CNTLN: variants seen among roughly 807,000 people sequenced by gnomAD.
The protein encoded by CNTLN is centlein, also known as centlein, centrosomal protein.
CNTLN carries 212 observed loss-of-function variants against 180.0 expected under a neutral mutation model. The observed-to-expected ratio is 1.18, with a 90% CI of 1.05 to 1.32. CNTLN has a LOEUF of 1.32. CNTLN is among the 40% of genes most tolerant of loss of function. CNTLN has a pLI of 0.00. For synonymous variants in CNTLN, 722 were observed against 563.1 expected, an observed-to-expected ratio of 1.28 and a Z score of -3.99; for missense variants, 2,095 against 1,610.9, an observed-to-expected ratio of 1.30 and a Z score of -5.14.
intron 8 of CNTLN, among the ~76,000 whole-genome samples, chr9:17,319,998 AGCGATTGTTTATCTTTTTCAT>A (rs1273834515): frequency 2.6e-5 from 4 of 152,170 alleles, no homozygotes; most frequent in African/African-American, 9.7e-5. Context: ...CTTATCTCAA[AGCGATTGTTTATCTTTTTCAT>A]GCAGAAATAA....
chr9:17,294,737 C>T (rs1339370170), intron 6 of CNTLN, among the ~76,000 whole-genome samples: 4 of 127,162 alleles, frequency 3.1e-5, no homozygotes, highest in East Asian at 2.5e-4. Context: ...CAGAGCTCGT[C>T]GGGGAGGCTG....
intron 7 of CNTLN, chr9:17,300,697 C>T (rs1021292997): frequency 2.0e-5 from 3 of 151,964 alleles, no homozygotes; most frequent in African/African-American, 4.9e-5. Context: ...GTTTCCCAGA[C>T]CATTAAAAAT....
chr9:17,331,247 G>C lies in CNTLN; in HGVS notation c.1518+439G>C, dbSNP rs12340256. Reference sequence around the variant, plus strand: ...TACTGTCTGTGTGGAAAATAAAATAGTAAATGAATTTTAACACTAACTTCT... The same window carrying C: ...TACTGTCTGTGTGGAAAATAAAATACTAAATGAATTTTAACACTAACTTCT... On this transcript the variant is annotated intron_variant, in intron 9 of 25. Coordinates refer to ENST00000380647, the MANE Select transcript of CNTLN (RefSeq NM_017738.4). Among the ~76,000 whole-genome samples, 1,260 of 151,710 alleles carry C rather than the reference G, an allele frequency of 8.3e-3. 13 individuals carry two copies. The highest frequency in any genetic ancestry group is 0.028 in the African/African-American group (1,153 of 41,472).
intron 24 of CNTLN, among the ~76,000 whole-genome samples, chr9:17,485,673 C>G (rs1417870812): frequency 1.3e-5 from 2 of 152,006 alleles, no homozygotes; most frequent in Non-Finnish European, 2.9e-5. Flanking sequence ...TTAAAACACA[C>G]AGATTTAGCA....
intron 25 of CNTLN, among the ~76,000 whole-genome samples, chr9:17,490,534 A>T (rs1030159482): frequency 6.6e-6 from 1 of 152,050 alleles, no homozygotes; most frequent in Admixed American, 6.6e-5. Context: ...AAAATATAAA[A>T]ATAGGCAAAT....
chr9:17,318,903 G>A (rs1819719041), intron 8 of CNTLN, among the ~76,000 whole-genome samples: 1 of 151,914 alleles, frequency 6.6e-6, no homozygotes, highest in Non-Finnish European at 1.5e-5. Flanking sequence ...ATTCAGTTAT[G>A]TAGGCAATAT....
intron 6 of CNTLN, among the ~76,000 whole-genome samples, chr9:17,285,473 A>C (rs1828928185): frequency 6.9e-6 from 1 of 145,394 alleles, no homozygotes; most frequent in South Asian, 2.3e-4. Flanking sequence ...ATACGTGTGC[A>C]TGTGTCTTTA....
At chr9:17,227,613 G>A (rs1824552779) in intron 3 of CNTLN, among the ~76,000 whole-genome samples, 1 of 151,904 alleles carries the variant, frequency 6.6e-6, no homozygotes, top group Admixed American at 6.6e-5. Context: ...AGGTTCATGA[G>A]AACTTTGATC....
At chr9:17,383,812 G>T (rs1044497169) in intron 13 of CNTLN, among the ~76,000 whole-genome samples, 6 of 151,744 alleles carry the variant, frequency 4.0e-5, no homozygotes, top group African/African-American at 1.2e-4. Context: ...TAATTTTTTT[G>T]TATTTTTAGT....
chr9:17,150,003 T>C (rs888936584), intron 2 of CNTLN, among the ~76,000 whole-genome samples: 2 of 152,246 alleles, frequency 1.3e-5, no homozygotes, highest in Non-Finnish European at 2.9e-5. Flanking sequence ...ATGGAACTTT[T>C]TTTTTCTGGT....
At chr9:17,521,062 A>G in the CNTLN span, among the ~76,000 whole-genome samples, 6 of 152,316 alleles carry the variant, frequency 3.9e-5, no homozygotes, top group African/African-American at 1.2e-4. Context: ...GAGCATTTAA[A>G]CTGTTTATCT....
chr9:17,209,272 A>T (rs1008846246), intron 2 of CNTLN, among the ~76,000 whole-genome samples: 4 of 152,196 alleles, frequency 2.6e-5, no homozygotes, highest in Admixed American at 2.6e-4. Context: ...CATTGTAGTC[A>T]GAGAAGATAC....
chr9:17,280,999 T>G (rs1283590618), intron 6 of CNTLN, among the ~76,000 whole-genome samples: 3 of 152,182 alleles, frequency 2.0e-5, no homozygotes, highest in Non-Finnish European at 4.4e-5. Context: ...GACACATATT[T>G]AATAAGAGAC....
At chr9:17,461,426 C>T (rs188672403) in intron 19 of CNTLN, among the ~76,000 whole-genome samples, 1 of 151,788 alleles carries the variant, frequency 6.6e-6, no homozygotes, top group Admixed American at 6.6e-5. Context: ...TTACATTACA[C>T]ACACATTTGA....
At chr9:17,491,325 T>C (rs1833150697) in intron 25 of CNTLN, among the ~76,000 whole-genome samples, 2 of 152,132 alleles carry the variant, frequency 1.3e-5, no homozygotes, top group African/African-American at 2.4e-5. Flanking sequence ...ACTACTGTAA[T>C]AGAATTTACA....
rs537340755 is a variant in CNTLN at position 17,282,447 on chromosome 9, T to C, written c.983+8581T>C. On this transcript the variant is annotated intron_variant, in intron 6 of 25. Transcript: ENST00000380647. ...TTTTTAAATGGGGCTGTTTGTTTTTTTCTTGTAAATTTAAGTTCCTTGTAG... is the reference window on the plus strand; with the variant it reads ...TTTTTAAATGGGGCTGTTTGTTTTTCTCTTGTAAATTTAAGTTCCTTGTAG... 2.7e-3 allele frequency among the ~76,000 whole-genome samples: 405 copies of C among 152,346 alleles called. 1 individual carries two copies. The highest frequency in any genetic ancestry group is 4.9e-3 in the Non-Finnish European group (334 of 68,034).
intron 13 of CNTLN, among the ~76,000 whole-genome samples, chr9:17,387,372 C>G (rs1007546662): frequency 5.3e-5 from 8 of 151,928 alleles, no homozygotes; most frequent in Admixed American, 4.6e-4. Context: ...AATTAATTCA[C>G]TAAGAAAATG....
intron 8 of CNTLN, among the ~76,000 whole-genome samples, chr9:17,328,948 A>G (rs1053425064): frequency 3.3e-5 from 5 of 151,964 alleles, no homozygotes; most frequent in African/African-American, 1.2e-4. Flanking sequence ...TAGTGACAGT[A>G]TCCACTGTTG....
At chr9:17,174,677 C>T (rs1346855832) in intron 2 of CNTLN, among the ~76,000 whole-genome samples, 1 of 147,600 alleles carries the variant, frequency 6.8e-6, no homozygotes, top group Admixed American at 6.8e-5. Context: ...GCCTGGGCAA[C>T]AGCACGAGAC....
Sources: allele counts gnomAD v4.1 joint callset (sites outside exome capture counted in the v4.1 genomes callset), GRCh38; gene constraint gnomAD v4.1.1; transcripts MANE v1.5; gene names NCBI Gene and HGNC (gene_info 2026-07-23, HGNC 2026-07-21).